Variants in RBFOX1 observed in about 807,000 individuals in gnomAD.
The protein encoded by RBFOX1 is RNA binding fox-1 homolog 1, also known as RNA binding protein fox-1 homolog 1.
In RBFOX1, 8 loss-of-function variants were observed where a neutral mutation model predicts 57.7. The ratio of observed to expected loss-of-function variants is 0.14; its 90% CI spans 0.08 to 0.25. RBFOX1 has a LOEUF of 0.25. Ranked by LOEUF, RBFOX1 falls within the 10% of genes least tolerant of loss-of-function variation. RBFOX1 has a pLI of 1.00. For synonymous variants in RBFOX1, 326 were observed against 222.4 expected (o/e 1.47, Z -4.15); for missense variants, 611 against 548.5 (o/e 1.11, Z -1.14).
intron 1 of RBFOX1, among the ~76,000 whole-genome samples, chr16:5,443,622 G>A (rs1335289501): frequency 1.3e-5 from 2 of 152,146 alleles, no homozygotes; most frequent in South Asian, 2.1e-4. Flanking sequence ...TTACAGGCTT[G>A]AGCCACCACA....
chr16:5,681,688 C>T (rs545159863), intron 3 of RBFOX1, among the ~76,000 whole-genome samples: 16 of 152,140 alleles, frequency 1.1e-4, no homozygotes, highest in East Asian at 7.7e-4. Flanking sequence ...CCACTGTGCC[C>T]GGCCGGTAAG....
intron 5 of RBFOX1, among the ~76,000 whole-genome samples, chr16:7,576,536 A>G (rs1015930489): frequency 1.3e-5 from 2 of 152,148 alleles, no homozygotes; most frequent in African/African-American, 4.8e-5. Context: ...ATACACAGGT[A>G]TTTCTCCATA....
At chr16:6,767,201 C>T (rs1345530701) in intron 3 of RBFOX1, among the ~76,000 whole-genome samples, 1 of 152,082 alleles carries the variant, frequency 6.6e-6, no homozygotes, top group Non-Finnish European at 1.5e-5. Flanking sequence ...TAAACCTAGC[C>T]AGCTGGCATA....
At chr16:6,185,003 G>A (rs2097096017) in intron 1 of RBFOX1, among the ~76,000 whole-genome samples, 3 of 152,164 alleles carry the variant, frequency 2.0e-5, no homozygotes, top group Admixed American at 1.3e-4. Flanking sequence ...GTGTGAATTC[G>A]GCATGAGGTG....
intron 4 of RBFOX1, among the ~76,000 whole-genome samples, chr16:7,119,674 CATG>C (rs2066684155): frequency 6.6e-6 from 1 of 151,828 alleles, no homozygotes; most frequent in Admixed American, 6.6e-5. Context: ...CTTAAACAAT[CATG>C]ATTATTTATG....
At chr16:6,844,089 C>T (rs952595604) in intron 3 of RBFOX1, among the ~76,000 whole-genome samples, 1 of 151,864 alleles carries the variant, frequency 6.6e-6, no homozygotes, top group African/African-American at 2.4e-5. Flanking sequence ...AAATCCCTCT[C>T]TGTCTCTAAG....
At chr16:7,359,403 T>TGTGG (rs1045321428) in intron 4 of RBFOX1, among the ~76,000 whole-genome samples, 15 of 152,116 alleles carry the variant, frequency 9.9e-5, no homozygotes, top group Non-Finnish European at 2.1e-4. Flanking sequence ...TGTGTTTGTG[T>TGTGG]GCACATGTGA....
intron 2 of RBFOX1, among the ~76,000 whole-genome samples, chr16:6,628,250 G>A (rs967360857): frequency 6.6e-6 from 1 of 152,144 alleles, no homozygotes; most frequent in African/African-American, 2.4e-5. Context: ...GACAGCCAAC[G>A]TAAATTTTGC....
At chr16:6,133,038 ATT>A (rs34134690) in intron 1 of RBFOX1, among the ~76,000 whole-genome samples, 47 of 146,560 alleles carry the variant, frequency 3.2e-4, no homozygotes, top group African/African-American at 8.3e-4. Flanking sequence ...ATGTTGTGTA[ATT>A]TTTTTTTTTT....
chr16:6,044,401 C>A lies in RBFOX1; in HGVS notation c.-127+24409C>A, dbSNP rs535973112. On this transcript the variant is annotated intron_variant, in intron 1 of 15. Coordinates refer to ENST00000550418, the MANE Select transcript of RBFOX1 (RefSeq NM_018723.4). ...GAGTTCCTCCTGGTGTCTGTTACAA[C>A]AGATGAGGAATTCAAGAACACTGCC... Among the ~76,000 whole-genome samples the A allele has an allele frequency of 8.6e-5, 13 of 151,240 alleles. No homozygotes were observed. The South Asian group carries it at 2.5e-3, about 29-fold the overall frequency.
intron 1 of RBFOX1, among the ~76,000 whole-genome samples, chr16:6,218,309 AT>A: frequency 6.6e-6 from 1 of 151,874 alleles, no homozygotes; most frequent in Non-Finnish European, 1.5e-5. Flanking sequence ...TTATTTACTT[AT>A]TTATTTATTG....
At chr16:7,600,289 G>A (rs556508959) in intron 9 of RBFOX1, among the ~76,000 whole-genome samples, 1 of 152,272 alleles carries the variant, frequency 6.6e-6, no homozygotes, top group South Asian at 2.1e-4. Flanking sequence ...AAACACAAAT[G>A]TCAATTCTAA....
chr16:5,646,339 A>T (rs144660917), intron 3 of RBFOX1, among the ~76,000 whole-genome samples: 3 of 151,700 alleles, frequency 2.0e-5, no homozygotes, highest in Non-Finnish European at 4.4e-5. Context: ...GGGTCTCACT[A>T]TGTTGCTCAG....
chr16:5,625,836 G>C (rs1480502777), intron 3 of RBFOX1, among the ~76,000 whole-genome samples: 1 of 151,980 alleles, frequency 6.6e-6, no homozygotes, highest in African/African-American at 2.4e-5. Context: ...GGGATTACAG[G>C]TGTGAGCCAC....
chr16:6,581,355 G>C (rs1039438030), intron 2 of RBFOX1, among the ~76,000 whole-genome samples: 5 of 152,206 alleles, frequency 3.3e-5, no homozygotes, highest in African/African-American at 1.2e-4. Flanking sequence ...CTTTGTTGGA[G>C]ATGGTGGTTA....
At chr16:7,278,788 G>A (rs1265365063) in intron 4 of RBFOX1, among the ~76,000 whole-genome samples, 1 of 152,192 alleles carries the variant, frequency 6.6e-6, no homozygotes, top group African/African-American at 2.4e-5. Flanking sequence ...AACCTGATAT[G>A]TACACTGATA....
intron 4 of RBFOX1, among the ~76,000 whole-genome samples, chr16:7,120,083 C>T (rs768484336): frequency 2.2e-4 from 34 of 151,866 alleles, no homozygotes; most frequent in South Asian, 2.1e-4. Context: ...GAAATTAAAC[C>T]GCAAAGTCTA....
intron 3 of RBFOX1, among the ~76,000 whole-genome samples, chr16:6,748,525 C>T (rs1001251793): frequency 6.6e-6 from 1 of 151,994 alleles, no homozygotes; most frequent in Non-Finnish European, 1.5e-5. Flanking sequence ...AATTAGCTGG[C>T]CATGATGGCA....
chr16:6,022,422 T>C (rs1312710819), intron 1 of RBFOX1, among the ~76,000 whole-genome samples: 1 of 152,170 alleles, frequency 6.6e-6, no homozygotes, highest in Non-Finnish European at 1.5e-5. Flanking sequence ...GGCTCATGCC[T>C]GTAATCCCAT....
Sources: gnomAD v4.1 joint callset for allele counts (sites outside exome capture counted in the v4.1 genomes callset) on GRCh38, gnomAD v4.1.1 for gene constraint, MANE v1.5 for transcripts, NCBI Gene and HGNC (gene_info 2026-07-23, HGNC 2026-07-21) for gene names.